GALC: variants seen among roughly 807,000 people sequenced by gnomAD.
GALC encodes galactocerebrosidase.
Under a neutral mutation model 91.8 loss-of-function variants are expected in GALC, and 77 were observed. The ratio of observed to expected loss-of-function variants is 0.84; its 90% CI spans 0.70 to 1.01. GALC has a LOEUF of 1.01. Among genes scored for constraint, GALC ranks in the 50% least tolerant of loss-of-function variants. GALC has a pLI of 0.00. For synonymous variants in GALC, 357 were observed against 306.7 expected, an observed-to-expected ratio of 1.16 and a Z score of -1.71; for missense variants, 882 against 855.9, an observed-to-expected ratio of 1.03 and a Z score of -0.38.
rs1884439181 is a variant in GALC, at chr14:87,933,299, T to C, written c.*1433A>G. 1 of 152,566 alleles carries C rather than the reference T, an allele frequency of 6.6e-6. No individual in the cohort carries two copies. Among genetic ancestry groups the C allele is most frequent in the African/African-American group, 2.4e-5 (1 of 41,444 alleles). The allele number at this position is 152,566 out of a possible 1,614,324, so 9.5% of individuals were successfully genotyped here. On this transcript the variant is annotated 3_prime_UTR_variant, in exon 17 of 17. Coordinates refer to ENST00000261304, the MANE Select transcript of GALC (RefSeq NM_000153.4). ...ACAATTGGGAGTGAAAGGAACTGAC[T>C]GAGCAGGTATACAAGAGAACCTTCT... is the stretch of plus-strand genomic sequence containing the variant.
intron 15 of GALC, among the ~76,000 whole-genome samples, chr14:87,941,018 A>G (rs1432975398): frequency 1.3e-5 from 2 of 151,878 alleles, no homozygotes; most frequent in East Asian, 1.9e-4. Flanking sequence ...TTATATTTCT[A>G]TAGGTACAGC....
chr14:87,970,623 G>A (rs1469718563), intron 7 of GALC, among the ~76,000 whole-genome samples: 1 of 151,632 alleles, frequency 6.6e-6, no homozygotes, highest in Non-Finnish European at 1.5e-5. Context: ...TTTATTGGGA[G>A]GCCAAGGCGG....
chr14:87,965,561 G>T lies in GALC; in HGVS notation c.977C>A (p.Thr326Lys). 1 of 1,613,264 alleles carries T rather than the reference G, an allele frequency of 6.2e-7. No individual in the cohort carries two copies. The highest frequency in any genetic ancestry group is 1.3e-5 in the African/African-American group (1 of 74,962). Residue 326 changes from threonine to lysine, a missense_variant, in exon 9 of 17, where the codon ACG (threonine) becomes AAG (lysine). Coordinates refer to ENST00000261304, the MANE Select transcript of GALC (RefSeq NM_000153.4). ...QLPYGRCGLM[T>K]AQEPWSGHYV... Reference sequence around the variant, plus strand: ...GTGCCCACTCCATGGCTCCTGGGCCGTCATCAACCCGCATCTCCCATAAGG... The same window carrying T: ...GTGCCCACTCCATGGCTCCTGGGCCTTCATCAACCCGCATCTCCCATAAGG...
chr14:87,961,383 C>T (rs772527790), intron 10 of GALC, among the ~76,000 whole-genome samples: 1 of 152,130 alleles, frequency 6.6e-6, no homozygotes, highest in Admixed American at 6.6e-5. Context: ...GGTGCAGTAA[C>T]TTTGGAAAAC....
chr14:87,992,766 T>TG, intron 1 of GALC: 7 of 1,416,666 alleles, frequency 4.9e-6, no homozygotes, highest in Non-Finnish European at 6.4e-6. Context: ...CCTAACTGCC[T>TG]GTCTGGTTCG....
At position 87,936,919 on chromosome 14, in the gene GALC, TA is replaced by T. The variant is rs1215932931; in HGVS notation, c.1912-2042del. ...TACTATATATATATATATATTTATT[TA>T]TTTTCTCATTGAATCTTCATAAGAA... On this transcript the variant is annotated intron_variant, in intron 16 of 16. Transcript: ENST00000261304. Among the ~76,000 whole-genome samples the T allele has an allele frequency of 3.9e-4, 56 of 142,052 alleles. 1 individual carries two copies. The highest frequency in any genetic ancestry group is 1.4e-3 in the African/African-American group (52 of 37,964). The allele number at this position is 142,052 out of a possible 152,430, so 93.2% of individuals were successfully genotyped here. A position where few individuals can be genotyped will look rare whatever the true frequency, so the allele number is the denominator to read the frequency against.
At chr14:87,952,958 C>A (rs2139969101) in intron 10 of GALC, 1 of 904,880 alleles carries the variant, frequency 1.1e-6, no homozygotes, top group Non-Finnish European at 1.8e-6. Flanking sequence ...AGTCAGATAT[C>A]TGTGGTCAGA....
chr14:87,952,017 C>G (rs1885329839), intron 10 of GALC, among the ~76,000 whole-genome samples: 1 of 151,490 alleles, frequency 6.6e-6, no homozygotes, highest in African/African-American at 2.4e-5. Context: ...CACTAAAGAA[C>G]TTATGTAACC....
chr14:87,992,544 C>T, intron 1 of GALC: 2 of 1,517,032 alleles, frequency 1.3e-6, no homozygotes, highest in Non-Finnish European at 1.8e-6. Flanking sequence ...CCAAAGCATC[C>T]CACTGGGGCG....
At chr14:87,971,645 G>A (rs1886298079) in intron 7 of GALC, among the ~76,000 whole-genome samples, 1 of 152,070 alleles carries the variant, frequency 6.6e-6, no homozygotes, top group African/African-American at 2.4e-5. Context: ...CACTTAACAT[G>A]TAATCAGTGT....
intron 1 of GALC, among the ~76,000 whole-genome samples, chr14:87,990,930 C>G (rs577208111): frequency 6.6e-6 from 1 of 152,146 alleles, no homozygotes; most frequent in East Asian, 1.9e-4. Flanking sequence ...CTTGAAATAA[C>G]TTCCTCCTCC....
Position 87,992,449 on chromosome 14 carries a change from G to A in GALC, c.195+521C>T. 3.3e-6 allele frequency: 5 copies of A among 1,534,822 alleles called. No individual in the cohort carries two copies. The African/African-American group carries it at 6.8e-5, about 21-fold the overall frequency. On this transcript the variant is annotated intron_variant, in intron 1 of 16. Transcript: ENST00000261304. ...CTATTCGGCGCTACCCTCTCTGGAGGAGCCCATTCTTACCCTGCACTAACA... is the reference window on the plus strand; with the variant it reads ...CTATTCGGCGCTACCCTCTCTGGAGAAGCCCATTCTTACCCTGCACTAACA...
intron 6 of GALC, chr14:87,981,501 T>TA (rs1242272589): frequency 5.6e-6 from 1 of 178,942 alleles, no homozygotes; most frequent in Admixed American, 6.4e-5. Context: ...TGAAATAAAA[T>TA]ACTGTCCCAA....
chr14:87,935,030 C>T, intron 16 of GALC, 152 bp from the exon 17 acceptor site: 1 of 637,160 alleles, frequency 1.6e-6, no homozygotes, highest in Admixed American at 2.8e-5. Flanking sequence ...CAAGTTTGAG[C>T]AAAAGTTTAA....
intron 3 of GALC, chr14:87,986,907 T>C (rs1435428533): frequency 2.3e-6 from 1 of 432,170 alleles, no homozygotes; most frequent in African/African-American, 2.0e-5. Flanking sequence ...TATTCATGCT[T>C]CTGGGCTTTT....
chr14:87,983,130 G>A (rs1262820797), intron 5 of GALC, among the ~76,000 whole-genome samples: 1 of 152,054 alleles, frequency 6.6e-6, no homozygotes, highest in Non-Finnish European at 1.5e-5. Context: ...ACGAGGTCAG[G>A]AGTTTGAGAC....
intron 10 of GALC, chr14:87,952,659 A>C (rs2301122): frequency 6.5e-7 from 1 of 1,530,818 alleles, no homozygotes; most frequent in Non-Finnish European, 9.0e-7. Flanking sequence ...ACAGCACAAA[A>C]ATCTTGAAAA....
intron 7 of GALC, among the ~76,000 whole-genome samples, chr14:87,975,628 ACATAGATATT>A (rs1010773202): frequency 6.6e-6 from 1 of 152,068 alleles, no homozygotes; most frequent in Non-Finnish European, 1.5e-5. Flanking sequence ...AGTGATAAGA[ACATAGATATT>A]CATTGTATTA....
In GALC at chr14:87,939,912, G is replaced by T. The variant is rs771706640; in HGVS notation, c.1904C>A (p.Thr635Asn). ...CCAATCAGCAATACTTACCTTAATA[G>T]TTAACGTGAGTGTATACCATTTTTT... ...TAKKWYTLTL[T>N]IKGHFTSGML... Residue 635 changes from threonine (T) to asparagine (N), a missense_variant, in exon 16 of 17, where the codon ACT (threonine) becomes AAT (asparagine). By Grantham distance (65) the Thr-to-Asn change is moderately conservative. Transcript: ENST00000261304. 1.9e-5 allele frequency: 31 copies of T among 1,602,302 alleles called. No individual in the cohort carries two copies. In the South Asian group the frequency reaches 3.4e-4, roughly 18 times the overall value.
Sources: allele counts gnomAD v4.1 joint callset (sites outside exome capture counted in the v4.1 genomes callset), GRCh38; gene constraint gnomAD v4.1.1; transcripts MANE v1.5; gene names NCBI Gene and HGNC (gene_info 2026-07-23, HGNC 2026-07-21).